MTUS2: variants seen among roughly 807,000 people sequenced by gnomAD.
The protein encoded by MTUS2 is microtubule-associated tumor suppressor candidate 2.
Under a neutral mutation model 114.1 loss-of-function variants are expected in MTUS2, and 40 were observed. The observed-to-expected ratio is 0.35, with a 90% CI of 0.27 to 0.46. MTUS2 has a LOEUF of 0.46. Among genes scored for constraint, MTUS2 ranks in the 20% least tolerant of loss-of-function variants. The probability of loss-of-function intolerance (pLI) is 1.00; values close to 1 mark genes in which losing one functional copy is unlikely to be tolerated. For missense variants in MTUS2, 1,679 were observed against 1,705.4 expected (o/e 0.98, Z 0.27); for synonymous variants, 688 against 672.0 (o/e 1.02, Z -0.37).
intron 2 of MTUS2, among the ~76,000 whole-genome samples, chr13:29,005,168 A>T (rs777337277): frequency 3.3e-5 from 5 of 152,182 alleles, no homozygotes; most frequent in Non-Finnish European, 7.3e-5. Flanking sequence ...TAATGTACGT[A>T]GGGTGAGTGA....
chr13:29,314,626 G>A (rs1206856768), intron 6 of MTUS2, among the ~76,000 whole-genome samples: 1 of 152,140 alleles, frequency 6.6e-6, no homozygotes, highest in Non-Finnish European at 1.5e-5. Context: ...TTATATCTAT[G>A]GAGATGAATA....
chr13:29,347,543 CT>C (rs1233718151), intron 7 of MTUS2, among the ~76,000 whole-genome samples: 10 of 151,896 alleles, frequency 6.6e-5, no homozygotes, highest in Non-Finnish European at 1.3e-4. Context: ...AAAAAAAACC[CT>C]ATTCCTCTCC....
chr13:29,009,344 G>T (rs2138414862), intron 2 of MTUS2, among the ~76,000 whole-genome samples: 1 of 127,396 alleles, frequency 7.8e-6, no homozygotes. Flanking sequence ...AATGCAATAT[G>T]TATTGTACAC....
intron 6 of MTUS2, among the ~76,000 whole-genome samples, chr13:29,310,472 GA>G (rs1181408962): frequency 6.6e-6 from 1 of 151,946 alleles, no homozygotes; most frequent in Non-Finnish European, 1.5e-5. Flanking sequence ...TTTACACTTG[GA>G]AAAAATAGTG....
chr13:29,396,464 G>A (rs1417190828), intron 8 of MTUS2, among the ~76,000 whole-genome samples: 4 of 152,112 alleles, frequency 2.6e-5, no homozygotes, highest in Non-Finnish European at 4.4e-5. Flanking sequence ...TATAACATAC[G>A]TCCAAAAATG....
chr13:29,134,964 G>T (rs1471734683), intron 5 of MTUS2, among the ~76,000 whole-genome samples: 1 of 152,162 alleles, frequency 6.6e-6, no homozygotes, highest in African/African-American at 2.4e-5. Flanking sequence ...CTTTATCCAT[G>T]ATTTTGCTTT....
chr13:29,470,333 A>G (rs984900605), intron 9 of MTUS2, among the ~76,000 whole-genome samples: 1 of 152,164 alleles, frequency 6.6e-6, no homozygotes, highest in African/African-American at 2.4e-5. Context: ...ACAACCTCTA[A>G]CATCCAGAAA....
chr13:29,036,118 T>G (rs562521656), intron 4 of MTUS2, among the ~76,000 whole-genome samples: 1 of 133,354 alleles, frequency 7.5e-6, no homozygotes, highest in Non-Finnish European at 1.5e-5. Context: ...CACTCCAGCC[T>G]GGGCCACAGA....
rs893244559 is a variant in MTUS2 at position 29,189,588 on chromosome 13, A to G, written c.2644+88618A>G. On this transcript the variant is annotated intron_variant, in intron 5 of 15. Transcript: ENST00000612955. ...AAAAAAGACACTTTCACCTCTAATT[A>G]TGCAACTTGCCAATGTACTTGACTA... Among the ~76,000 whole-genome samples the G allele has an allele frequency of 7.2e-5, 11 of 152,062 alleles. No individual in the cohort carries two copies. The East Asian group carries it at 2.1e-3, about 29-fold the overall frequency.
chr13:28,847,495 A>G (rs1566174367), intron 2 of MTUS2, among the ~76,000 whole-genome samples: 1 of 152,118 alleles, frequency 6.6e-6, no homozygotes, highest in African/African-American at 2.4e-5. Context: ...GAGGACACTG[A>G]GGATAACTTA....
intron 2 of MTUS2, among the ~76,000 whole-genome samples, chr13:28,856,484 A>G (rs576129959): frequency 4.6e-4 from 70 of 152,310 alleles, no homozygotes; most frequent in Non-Finnish European, 8.4e-4. Context: ...GGCTGAACAG[A>G]TAGAGCCACT....
rs1161743842 is a variant in MTUS2, at chr13:28,839,080, A to G, written c.-315-698A>G. On this transcript the variant is annotated intron_variant, in intron 1 of 15. Transcript: ENST00000612955. ...AATGGTTGAGTATCAGCAATTTTGT[A>G]TAAGTCAACCTAATAATAGCAGGCA... is the stretch of plus-strand genomic sequence containing the variant. Among the ~76,000 whole-genome samples, 4 of 152,068 alleles carry G rather than the reference A, an allele frequency of 2.6e-5. No individual in the cohort carries two copies. The East Asian group carries it at 7.7e-4, about 29-fold the overall frequency.
At chr13:29,126,774 G>T (rs1421605394) in intron 5 of MTUS2, among the ~76,000 whole-genome samples, 4 of 152,108 alleles carry the variant, frequency 2.6e-5, no homozygotes, top group Non-Finnish European at 5.9e-5. Flanking sequence ...GAAGACCTTA[G>T]AATGCCTATG....
intron 9 of MTUS2, among the ~76,000 whole-genome samples, chr13:29,477,381 A>T (rs1880782905): frequency 6.6e-6 from 1 of 152,122 alleles, no homozygotes; most frequent in Admixed American, 6.6e-5. Flanking sequence ...TCCCTGGTGG[A>T]ATCCTGATTA....
At chr13:29,368,218 G>A (rs1471624484) in intron 8 of MTUS2, among the ~76,000 whole-genome samples, 5 of 151,774 alleles carry the variant, frequency 3.3e-5, no homozygotes, top group African/African-American at 9.7e-5. Flanking sequence ...TATTATGGGC[G>A]TGAGCCACTG....
At chr13:29,175,125 G>A (rs1432724915) in intron 5 of MTUS2, among the ~76,000 whole-genome samples, 1 of 152,078 alleles carries the variant, frequency 6.6e-6, no homozygotes, top group African/African-American at 2.4e-5. Flanking sequence ...TAGAAAATTT[G>A]CATTTTTTAT....
At chr13:29,333,244 C>A (rs758953249) in intron 7 of MTUS2, among the ~76,000 whole-genome samples, 1 of 152,040 alleles carries the variant, frequency 6.6e-6, no homozygotes, top group African/African-American at 2.4e-5. Context: ...GTTGCCCAGG[C>A]GGGATTGCAA....
chr13:29,424,144 A>T (rs558240462), intron 8 of MTUS2, among the ~76,000 whole-genome samples: 1 of 152,238 alleles, frequency 6.6e-6, no homozygotes, highest in South Asian at 2.1e-4. Context: ...CTGGGATCAT[A>T]AGTGTGAGCC....
chr13:29,338,602 A>T (rs1325045312), intron 7 of MTUS2, among the ~76,000 whole-genome samples: 1 of 152,080 alleles, frequency 6.6e-6, no homozygotes, highest in Admixed American at 6.6e-5. Context: ...AAAACAAAAA[A>T]AAACAAAGTT....
Sources: allele counts gnomAD v4.1 joint callset (sites outside exome capture counted in the v4.1 genomes callset), GRCh38; gene constraint gnomAD v4.1.1; transcripts MANE v1.5; gene names NCBI Gene and HGNC (gene_info 2026-07-23, HGNC 2026-07-21).